The following CSMD1 variants were observed in gnomAD, a reference collection of about 807,000 sequenced individuals.
CSMD1 encodes the protein CUB and sushi domain-containing protein 1.
In CSMD1, 213 loss-of-function variants were observed where a neutral mutation model predicts 417.5. That is an observed-to-expected ratio of 0.51 (90% confidence interval 0.46 to 0.57). CSMD1 has a LOEUF of 0.57. Ranked by LOEUF, CSMD1 falls within the 20% of genes least tolerant of loss-of-function variation. CSMD1 has a pLI of 0.00. For synonymous variants in CSMD1, 2,862 were observed against 1,736.8 expected, an observed-to-expected ratio of 1.65 and a Z score of -16.11; for missense variants, 6,923 against 4,529.7, an observed-to-expected ratio of 1.53 and a Z score of -15.17.
chr8:4,840,283 G>A (rs1282915935), intron 1 of CSMD1, among the ~76,000 whole-genome samples: 1 of 152,222 alleles, frequency 6.6e-6, no homozygotes, highest in African/African-American at 2.4e-5. Flanking sequence ...GCTTTAAGAT[G>A]TTTTGCTACT....
At position 3,936,360 on chromosome 8, in the gene CSMD1, C is replaced by T. The variant is rs147984625; in HGVS notation, c.818+61543G>A. On this transcript the variant is annotated intron_variant, in intron 5 of 69. Transcript: ENST00000635120. ...GCAGCCTTGTATTAGAAGACGATACCATCTAGGATTTTCATAGCTAGAGAA... is the reference window on the plus strand; with the variant it reads ...GCAGCCTTGTATTAGAAGACGATACTATCTAGGATTTTCATAGCTAGAGAA... Among the ~76,000 whole-genome samples the T allele has an allele frequency of 2.6e-3, 393 of 152,168 alleles. 1 individual carries two copies. The highest frequency in any genetic ancestry group is 8.6e-3 in the African/African-American group (356 of 41,526).
intron 3 of CSMD1, among the ~76,000 whole-genome samples, chr8:4,285,747 C>T (rs983335918): frequency 6.6e-6 from 1 of 152,140 alleles, no homozygotes; most frequent in Non-Finnish European, 1.5e-5. Flanking sequence ...TTAGGAACTT[C>T]AGAGGTCAAA....
chr8:3,564,093 A>T (rs13257567), intron 10 of CSMD1, among the ~76,000 whole-genome samples: 2 of 151,936 alleles, frequency 1.3e-5, no homozygotes, highest in African/African-American at 4.8e-5. Flanking sequence ...TAATGACCAA[A>T]CAGTGTAACA....
intron 1 of CSMD1, among the ~76,000 whole-genome samples, chr8:4,950,047 G>A (rs1232618323): frequency 6.6e-6 from 1 of 152,010 alleles, no homozygotes; most frequent in South Asian, 2.1e-4. Context: ...ATGGCACAGG[G>A]AAGAACCTAG....
chr8:3,613,951 G>A (rs919600424), intron 8 of CSMD1, among the ~76,000 whole-genome samples: 13 of 151,810 alleles, frequency 8.6e-5, no homozygotes, highest in East Asian at 5.8e-4. Context: ...AAAAAAATCC[G>A]ATTGGAAAGC....
intron 5 of CSMD1, among the ~76,000 whole-genome samples, chr8:3,820,493 G>C (rs889271660): frequency 1.3e-5 from 2 of 152,180 alleles, no homozygotes; most frequent in East Asian, 1.9e-4. Flanking sequence ...GTTTGTCAGG[G>C]TCAACAGCAC....
At chr8:3,750,290 C>CT (rs1191508105) in intron 6 of CSMD1, among the ~76,000 whole-genome samples, 3 of 150,692 alleles carry the variant, frequency 2.0e-5, no homozygotes, top group Non-Finnish European at 4.4e-5. Context: ...AATGTATGTT[C>CT]TTTTTAAAAT....
intron 1 of CSMD1, among the ~76,000 whole-genome samples, chr8:4,699,829 G>A (rs977091508): frequency 6.6e-6 from 1 of 152,206 alleles, no homozygotes; most frequent in African/African-American, 2.4e-5. Flanking sequence ...TGCCGATGCA[G>A]AGAGTACAAG....
chr8:3,438,703 C>G (rs1303943745), intron 12 of CSMD1, among the ~76,000 whole-genome samples: 1 of 152,156 alleles, frequency 6.6e-6, no homozygotes, highest in Admixed American at 6.5e-5. Context: ...AGCTGCTACA[C>G]ATATTCCTGC....
intron 1 of CSMD1, among the ~76,000 whole-genome samples, chr8:4,677,484 C>A (rs1264209578): frequency 6.6e-6 from 1 of 152,066 alleles, no homozygotes; most frequent in Admixed American, 6.6e-5. Context: ...ATTCTCTAAT[C>A]ATTTTTATAT....
intron 5 of CSMD1, among the ~76,000 whole-genome samples, chr8:3,756,139 G>C (rs1584950304): frequency 6.6e-6 from 1 of 152,108 alleles, no homozygotes; most frequent in Admixed American, 6.5e-5. Flanking sequence ...GGTGGATCAA[G>C]AGGTCAGGAG....
At chr8:4,282,002 T>A (rs1329977091) in intron 3 of CSMD1, among the ~76,000 whole-genome samples, 1 of 152,222 alleles carries the variant, frequency 6.6e-6, no homozygotes, top group African/African-American at 2.4e-5. Context: ...GCAAGGTGAA[T>A]TCATGTTCTC....
intron 3 of CSMD1, among the ~76,000 whole-genome samples, chr8:4,302,374 A>T (rs187795833): frequency 6.6e-6 from 1 of 152,216 alleles, no homozygotes. Flanking sequence ...TCAAGGGGTT[A>T]TACTATTCAG....
chr8:4,717,338 C>T (rs1477259882), intron 1 of CSMD1, among the ~76,000 whole-genome samples: 11 of 63,550 alleles, frequency 1.7e-4, no homozygotes, highest in African/African-American at 2.6e-4. Flanking sequence ...CACACACACA[C>T]GTATATATAC....
intron 3 of CSMD1, among the ~76,000 whole-genome samples, chr8:4,151,400 T>TATAAAATATTTAA (rs1796563858): frequency 6.6e-6 from 1 of 152,178 alleles, no homozygotes; most frequent in Non-Finnish European, 1.5e-5. Flanking sequence ...CCAAGAAAAA[T>TATAAAATATTTAA]ACTCTTTAAA....
At position 4,372,346 on chromosome 8, in the gene CSMD1, C is replaced by T. The variant is rs372015415; in HGVS notation, c.415+47607G>A. Among the ~76,000 whole-genome samples, 7 of 152,176 alleles carry T rather than the reference C, an allele frequency of 4.6e-5. 1 individual carries two copies. The East Asian group carries it at 7.7e-4, about 17-fold the overall frequency. The stretch of plus-strand genomic sequence containing the variant: ...GGTAGCATTAAAAGTGAAGGAGGAA[C>T]GCTTAGTGTTTCCTTCCACATGCTG... On this transcript the variant is annotated intron_variant, in intron 3 of 69. Coordinates refer to ENST00000635120, the MANE Select transcript of CSMD1 (RefSeq NM_033225.6).
At chr8:4,870,398 G>T (rs1024243580) in intron 1 of CSMD1, among the ~76,000 whole-genome samples, 2 of 152,094 alleles carry the variant, frequency 1.3e-5, no homozygotes, top group East Asian at 3.9e-4. Context: ...CTTCAACAGA[G>T]CTAGACCTCA....
intron 3 of CSMD1, among the ~76,000 whole-genome samples, chr8:4,326,967 T>C (rs1337584980): frequency 2.0e-5 from 3 of 152,024 alleles, no homozygotes; most frequent in South Asian, 2.1e-4. Flanking sequence ...GGTGAAAAAA[T>C]AGGTTAATGA....
rs111322545 is a variant in CSMD1, at chr8:3,535,275, C to T, written c.1344+39670G>A. On this transcript the variant is annotated intron_variant, in intron 10 of 69. Coordinates refer to ENST00000635120, the MANE Select transcript of CSMD1 (RefSeq NM_033225.6). The stretch of plus-strand genomic sequence containing the variant: ...GCCACTGTGGGAAGCTAATGACAGA[C>T]GACACTGAAATAGTTATTCAAGCTT... Among the ~76,000 whole-genome samples the T allele has an allele frequency of 6.4e-4, 98 of 152,162 alleles. 1 individual carries two copies. The highest frequency in any genetic ancestry group is 2.2e-3 in the African/African-American group (91 of 41,506).
Sources: allele counts gnomAD v4.1 joint callset (sites outside exome capture counted in the v4.1 genomes callset), GRCh38; gene constraint gnomAD v4.1.1; transcripts MANE v1.5; gene names NCBI Gene and HGNC (gene_info 2026-07-23, HGNC 2026-07-21).